The following PCDHGA8 variants were observed in gnomAD, a reference collection of about 807,000 sequenced individuals.
The protein encoded by PCDHGA8 is protocadherin gamma subfamily A, 8.
Under a neutral mutation model 59.2 loss-of-function variants are expected in PCDHGA8, and 45 were observed. The ratio of observed to expected loss-of-function variants is 0.76; its 90% confidence interval spans 0.60 to 0.98. PCDHGA8 has a LOEUF of 0.98. Ranked by LOEUF, PCDHGA8 falls within the 50% of genes least tolerant of loss-of-function variation. The pLI is 0.00. For synonymous variants in PCDHGA8, 531 were observed against 519.0 expected (o/e 1.02, Z -0.32); for missense variants, 1,257 against 1,196.2 (o/e 1.05, Z -0.75).
At chr5:141,500,929 C>T (rs1347340945) in intron 2 of PCDHGA8, among the ~76,000 whole-genome samples, 2 of 151,210 alleles carry the variant, frequency 1.3e-5, no homozygotes, top group South Asian at 2.1e-4. Flanking sequence ...GGTGCAGTGG[C>T]GCCATCTCGG....
chr5:141,459,232 G>C (rs1293027771), intron 1 of PCDHGA8, among the ~76,000 whole-genome samples: 1 of 152,152 alleles, frequency 6.6e-6, no homozygotes, highest in Non-Finnish European at 1.5e-5. Context: ...GCAACAACTG[G>C]TCTGCTTCCT....
chr5:141,394,152 G>A lies in PCDHGA8; in HGVS notation c.1339G>A (p.Asp447Asn), dbSNP rs141035845. 5.0e-3 allele frequency: 8,040 copies of A among 1,613,782 alleles called. 48 individuals are homozygous for A. Among genetic ancestry groups the A allele is most frequent in the Admixed American group, 9.4e-3 (566 of 59,984 alleles). The change falls in exon 1 of 4, where the codon GAC (aspartate) becomes AAC (asparagine). Residue 447 changes from aspartate to asparagine, a missense_variant. Coordinates refer to ENST00000398604, the MANE Select transcript of PCDHGA8 (RefSeq NM_032088.2). ...QIALHVADIN[D>N]NPPTFPHASY... ...CGCTCTGCACGTGGCAGACATTAAC[G>A]ACAACCCTCCTACTTTCCCTCATGC...
intron 1 of PCDHGA8, chr5:141,399,007 A>G (rs1403288140): frequency 6.2e-7 from 1 of 1,613,948 alleles, no homozygotes. Flanking sequence ...GAATTCAAAG[A>G]GCGGAGAAAT....
chr5:141,409,231 C>T (rs756486864), intron 1 of PCDHGA8: 7 of 1,613,926 alleles, frequency 4.3e-6, no homozygotes, highest in Admixed American at 3.3e-5. Flanking sequence ...AAAACGACAA[C>T]AGCCCAGAAA....
At chr5:141,408,651 C>G (rs373860648) in intron 1 of PCDHGA8, 3 of 1,614,012 alleles carry the variant, frequency 1.9e-6, no homozygotes, top group South Asian at 1.1e-5. Context: ...TCCGCTGGTA[C>G]ACGACTATCG....
At position 141,403,568 on chromosome 5, in the gene PCDHGA8, ACTGCCCACCAC is replaced by A. The variant is rs758329896; in HGVS notation, c.2424+8335_2424+8345del. On this transcript the variant is annotated intron_variant, in intron 1 of 3. Coordinates refer to ENST00000398604, the MANE Select transcript of PCDHGA8 (RefSeq NM_032088.2). The stretch of plus-strand genomic sequence containing the variant: ...GCGCGCCCTGGACAGGGAGGAGGCA[ACTGCCCACCAC>A]CTGGTCCTCACGGCCTCGGATGGCG... The A allele has an allele frequency of 2.5e-6, 4 of 1,613,918 alleles. No individual in the cohort carries two copies. In the South Asian group the frequency reaches 4.4e-5, roughly 18 times the overall value.
intron 1 of PCDHGA8, among the ~76,000 whole-genome samples, chr5:141,465,545 C>T (rs2099105349): frequency 6.6e-6 from 1 of 152,146 alleles, no homozygotes; most frequent in South Asian, 2.1e-4. Context: ...GGCATTTTTT[C>T]TGCTGAAGCT....
chr5:141,399,421 A>G lies in PCDHGA8; in HGVS notation c.2424+4184A>G, dbSNP rs1444290267. On this transcript the variant is annotated intron_variant, in intron 1 of 3. Coordinates refer to ENST00000398604, the MANE Select transcript of PCDHGA8 (RefSeq NM_032088.2). ...GGGCAAGCCGCCCCTCTCCTCCAGCATAAGCGTCATCCTACATATCAGAGA... is the reference window on the plus strand; with the variant it reads ...GGGCAAGCCGCCCCTCTCCTCCAGCGTAAGCGTCATCCTACATATCAGAGA... 1.2e-6 allele frequency: 2 copies of G among 1,614,036 alleles called. No homozygotes were observed. Among genetic ancestry groups the G allele is most frequent in the Middle Eastern group, 1.6e-4 (1 of 6,062 alleles).
intron 1 of PCDHGA8, chr5:141,414,054 G>A: frequency 6.2e-7 from 1 of 1,610,250 alleles, no homozygotes; most frequent in Non-Finnish European, 8.5e-7. Flanking sequence ...ACACGCAATT[G>A]TTGAAGTTCC....
chr5:141,410,090 C>G (rs369832481), intron 1 of PCDHGA8: 3 of 1,612,358 alleles, frequency 1.9e-6, no homozygotes, highest in South Asian at 2.2e-5. Context: ...GCGCACGGCT[C>G]GAGCCTTAGG....
intron 1 of PCDHGA8, chr5:141,423,750 TGGG>T: frequency 4.5e-5 from 13 of 287,436 alleles, no homozygotes; most frequent in South Asian, 1.7e-4. Flanking sequence ...GAAAACTGTT[TGGG>T]GGGGGGGTGG....
chr5:141,456,335 G>A (rs2098850730), intron 1 of PCDHGA8, among the ~76,000 whole-genome samples: 1 of 152,114 alleles, frequency 6.6e-6, no homozygotes. Flanking sequence ...TTGATCTAAG[G>A]GTCCTCGGAA....
At chr5:141,506,172 TG>T (rs2099850913) in intron 3 of PCDHGA8, among the ~76,000 whole-genome samples, 1 of 152,128 alleles carries the variant, frequency 6.6e-6, no homozygotes, top group South Asian at 2.1e-4. Flanking sequence ...CAGCCTAAGC[TG>T]GGCGTGGTGG....
rs767577725 is a variant in PCDHGA8 at position 141,485,642 on chromosome 5, G to T, written c.2425-9165G>T. 4.3e-6 allele frequency: 7 copies of T among 1,612,162 alleles called. No homozygotes were observed. The highest frequency in any genetic ancestry group is 1.7e-5 in the Admixed American group (1 of 59,938). ...AGGACAGCGTTTCCCGTTGGAAAAGGCTCAGGATGCAGATGTGGGGAGCAA... is the reference window on the plus strand; with the variant it reads ...AGGACAGCGTTTCCCGTTGGAAAAGTCTCAGGATGCAGATGTGGGGAGCAA... On this transcript the variant is annotated intron_variant, in intron 1 of 3. Coordinates refer to ENST00000398604, the MANE Select transcript of PCDHGA8 (RefSeq NM_032088.2). This position sits in a 1 kb window ranked among gnomAD's most constrained non-coding sequence, Gnocchi z 5.7.
Position 141,485,575 on chromosome 5 carries a change from G to C in PCDHGA8, c.2425-9232G>C, listed in dbSNP as rs1200831125. On this transcript the variant is annotated intron_variant, in intron 1 of 3. Coordinates refer to ENST00000398604, the MANE Select transcript of PCDHGA8 (RefSeq NM_032088.2). This position sits in a 1 kb window ranked among gnomAD's most constrained non-coding sequence, Gnocchi z 5.7. ...TGAATGATCACGCCCCCCGTTTTCC[G>C]CGGCAGCAGCTGGACTTGGAAATTG... 2 of 1,612,496 alleles carry C rather than the reference G, an allele frequency of 1.2e-6. No homozygotes were observed. The highest frequency in any genetic ancestry group is 2.7e-5 in the African/African-American group (2 of 74,918).
At chr5:141,403,219 G>A in intron 1 of PCDHGA8, 1 of 1,613,980 alleles carries the variant, frequency 6.2e-7, no homozygotes, top group South Asian at 1.1e-5. Flanking sequence ...CCGCGGGTAG[G>A]ATAGACCGGG....
At chr5:141,407,976 G>T (rs1392473551) in intron 1 of PCDHGA8, 2 of 742,146 alleles carry the variant, frequency 2.7e-6, no homozygotes, top group South Asian at 2.3e-5. Flanking sequence ...CTGACGCCGG[G>T]GATCCGTCAG....
chr5:141,438,627 TATATATATACAC>T (rs1324653166), intron 1 of PCDHGA8, among the ~76,000 whole-genome samples: 191 of 47,978 alleles, frequency 4.0e-3, no homozygotes, highest in African/African-American at 0.016. Flanking sequence ...TATATATATA[TATATATATACAC>T]ACACACACAC....
intron 1 of PCDHGA8, chr5:141,400,256 G>T (rs756430299): frequency 8.1e-6 from 13 of 1,613,868 alleles, no homozygotes; most frequent in Non-Finnish European, 1.1e-5. Flanking sequence ...GTTGCCTTGC[G>T]CCTGCGACGC....
Sources: gnomAD v4.1 joint callset for allele counts (sites outside exome capture counted in the v4.1 genomes callset) on GRCh38, gnomAD v4.1.1 for gene constraint, Gnocchi (gnomAD v3.1) non-coding constraint, MANE v1.5 for transcripts, NCBI Gene and HGNC (gene_info 2026-07-23, HGNC 2026-07-21) for gene names.